MCTP1: variants seen among roughly 807,000 people sequenced by gnomAD.
MCTP1 encodes multiple C2 and transmembrane domain containing 1.
Under a neutral mutation model 120.6 loss-of-function variants are expected in MCTP1, and 69 were observed. The ratio of observed to expected loss-of-function variants is 0.57; its 90% CI spans 0.47 to 0.70. MCTP1 has a LOEUF of 0.70. Ranked by LOEUF, MCTP1 falls within the 30% of genes least tolerant of loss-of-function variation. MCTP1 has a pLI of 0.00. For missense variants in MCTP1, 1,203 were observed against 1,248.8 expected (o/e 0.96, Z 0.55); for synonymous variants, 529 against 493.1 (o/e 1.07, Z -0.96).
chr5:95,029,089 G>A (rs935415942), intron 1 of MCTP1, among the ~76,000 whole-genome samples: 11 of 150,738 alleles, frequency 7.3e-5, no homozygotes, highest in Admixed American at 5.3e-4. Context: ...CCCGGAGGCC[G>A]AGGTTGTAGG....
intron 1 of MCTP1, among the ~76,000 whole-genome samples, chr5:95,195,031 A>G (rs1294050644): frequency 6.6e-6 from 1 of 152,208 alleles, no homozygotes; most frequent in African/African-American, 2.4e-5. Context: ...CAGGAGGAAT[A>G]CTGTGTGGAG....
At chr5:94,840,692 C>G (rs542351665) in intron 17 of MCTP1, among the ~76,000 whole-genome samples, 1 of 152,172 alleles carries the variant, frequency 6.6e-6, no homozygotes. Context: ...TTCAATCTCA[C>G]TGGCCTTAGT....
chr5:95,128,209 C>G (rs1316638107), intron 1 of MCTP1, among the ~76,000 whole-genome samples: 1 of 152,178 alleles, frequency 6.6e-6, no homozygotes, highest in East Asian at 1.9e-4. Context: ...ATGATCAAAG[C>G]CAGTTATGGT....
At chr5:95,059,036 C>T (rs1202959268) in intron 1 of MCTP1, among the ~76,000 whole-genome samples, 1 of 152,096 alleles carries the variant, frequency 6.6e-6, no homozygotes, top group African/African-American at 2.4e-5. Context: ...ATCCTCTTAA[C>T]CACCATTCAA....
chr5:94,963,360 T>TTTA (rs1824782075), intron 2 of MCTP1, among the ~76,000 whole-genome samples: 4 of 151,900 alleles, frequency 2.6e-5, no homozygotes, highest in Admixed American at 6.6e-5. Flanking sequence ...TTCTATTTTT[T>TTTA]TTTTTTTTTG....
chr5:94,969,483 C>T (rs1826305449), intron 2 of MCTP1, among the ~76,000 whole-genome samples: 1 of 152,108 alleles, frequency 6.6e-6, no homozygotes, highest in Non-Finnish European at 1.5e-5. Context: ...AAACCTAGCA[C>T]TTAATGAAAC....
At chr5:95,198,798 C>T (rs1414389146) in intron 1 of MCTP1, among the ~76,000 whole-genome samples, 3 of 152,116 alleles carry the variant, frequency 2.0e-5, no homozygotes, top group Non-Finnish European at 1.5e-5. Context: ...AGGAATGAAC[C>T]AACCAATGAA....
intron 12 of MCTP1, among the ~76,000 whole-genome samples, chr5:94,887,168 T>C (rs2153381398): frequency 6.6e-6 from 1 of 152,256 alleles, no homozygotes; most frequent in South Asian, 2.1e-4. Context: ...AGGAAAAAAA[T>C]GGAGACTCTG....
intron 1 of MCTP1, among the ~76,000 whole-genome samples, chr5:95,065,275 T>C (rs941975503): frequency 1.3e-5 from 2 of 151,884 alleles, no homozygotes; most frequent in African/African-American, 4.8e-5. Flanking sequence ...AGGCCAATAA[T>C]TGAATATCAA....
chr5:95,090,037 T>C (rs2152339669), intron 1 of MCTP1, among the ~76,000 whole-genome samples: 1 of 152,332 alleles, frequency 6.6e-6, no homozygotes, highest in African/African-American at 2.4e-5. Flanking sequence ...CTTCTCATTC[T>C]TTCTTGCTGC....
chr5:95,115,383 A>G (rs1164180593), intron 1 of MCTP1, among the ~76,000 whole-genome samples: 1 of 152,156 alleles, frequency 6.6e-6, no homozygotes, highest in Non-Finnish European at 1.5e-5. Flanking sequence ...ATTTCAAGAT[A>G]ATACAAAGAA....
intron 2 of MCTP1, among the ~76,000 whole-genome samples, chr5:94,958,469 T>C (rs1258374324): frequency 6.6e-6 from 1 of 151,854 alleles, no homozygotes; most frequent in Non-Finnish European, 1.5e-5. Flanking sequence ...AAAAAATCAA[T>C]GAATCCAGGA....
At chr5:95,269,103 T>C (rs1759153875) in intron 1 of MCTP1, among the ~76,000 whole-genome samples, 2 of 152,228 alleles carry the variant, frequency 1.3e-5, no homozygotes, top group Non-Finnish European at 2.9e-5. Context: ...CCCACTGCTT[T>C]ACTGTTGTCA....
At chr5:94,763,767 A>AGGTT (rs1228324720) in intron 19 of MCTP1, among the ~76,000 whole-genome samples, 2 of 152,142 alleles carry the variant, frequency 1.3e-5, no homozygotes, top group African/African-American at 4.8e-5. Flanking sequence ...CCTTTATCTG[A>AGGTT]GGTTGAGCTT....
rs150839720 is a variant in MCTP1 at position 95,238,438 on chromosome 5, AT to A, written c.720+45417del. 6.2e-3 allele frequency among the ~76,000 whole-genome samples: 938 copies of A among 152,286 alleles called. 11 individuals are homozygous for A. The highest frequency in any genetic ancestry group is 0.021 in the African/African-American group (863 of 41,560). On this transcript the variant is annotated intron_variant, in intron 1 of 22. Coordinates refer to ENST00000515393, the MANE Select transcript of MCTP1 (RefSeq NM_024717.7). Reference sequence around the variant, plus strand: ...CTTTATGTTGATTTTATACTTTTGCATGGGGGCTAACACTGTTTCCAACTTT... The same window carrying A: ...CTTTATGTTGATTTTATACTTTTGCAGGGGGCTAACACTGTTTCCAACTTT...
intron 6 of MCTP1, among the ~76,000 whole-genome samples, chr5:94,926,144 A>G (rs1369019472): frequency 1.3e-5 from 2 of 152,222 alleles, no homozygotes; most frequent in African/African-American, 4.8e-5. Context: ...AGATGGAATA[A>G]CAATTAGACA....
At chr5:94,978,372 A>G (rs1051539944) in intron 2 of MCTP1, among the ~76,000 whole-genome samples, 5 of 152,188 alleles carry the variant, frequency 3.3e-5, no homozygotes, top group Non-Finnish European at 7.4e-5. Flanking sequence ...AAAGAACTGA[A>G]ATCAGGATCT....
intron 2 of MCTP1, among the ~76,000 whole-genome samples, chr5:95,013,990 G>T (rs1323119885): frequency 6.6e-6 from 1 of 152,010 alleles, no homozygotes; most frequent in Non-Finnish European, 1.5e-5. Context: ...GCTGGGTGCA[G>T]TGTCTCATGC....
intron 19 of MCTP1, among the ~76,000 whole-genome samples, chr5:94,764,406 G>A (rs764433496): frequency 6.6e-6 from 1 of 152,118 alleles, no homozygotes; most frequent in Non-Finnish European, 1.5e-5. Flanking sequence ...CTTCGAGTCT[G>A]TAATCCATGC....
Sources: allele counts gnomAD v4.1 joint callset (sites outside exome capture counted in the v4.1 genomes callset), GRCh38; gene constraint gnomAD v4.1.1; transcripts MANE v1.5; gene names NCBI Gene and HGNC (gene_info 2026-07-23, HGNC 2026-07-21).